The following KIT variants were observed in gnomAD, a reference collection of about 807,000 sequenced individuals.
The protein encoded by KIT is KIT proto-oncogene, receptor tyrosine kinase, also known as mast/stem cell growth factor receptor Kit.
Under a neutral mutation model 105.7 loss-of-function variants are expected in KIT, and 16 were observed. The ratio of observed to expected loss-of-function variants is 0.15; its 90% CI spans 0.10 to 0.23. The LOEUF (loss-of-function observed/expected upper bound fraction) is 0.23, where lower values mean the gene tolerates loss of function less well. Among genes scored for constraint, KIT ranks in the 10% least tolerant of loss-of-function variants. The probability of loss-of-function intolerance (pLI) is 1.00; values close to 1 mark genes in which losing one functional copy is unlikely to be tolerated. For synonymous variants in KIT, 438 were observed against 441.1 expected, an observed-to-expected ratio of 0.99 and a Z score of 0.09; for missense variants, 858 against 1,213.8, an observed-to-expected ratio of 0.71 and a Z score of 4.36.
rs2109774308 is a variant in KIT at position 54,727,287 on chromosome 4, G to T, written c.1610G>T (p.Cys537Phe). Residue 537 changes from cysteine to phenylalanine, a missense_variant, in exon 10 of 21, where the codon TGC becomes TTC. Physicochemically the swap from Cys to Phe is radical, Grantham distance 205. Around this residue, in one of 7 missense-constraint regions of KIT, gnomAD observed 78 missense variants for 77.6 expected, o/e 1.01. Coordinates refer to ENST00000288135, the MANE Select transcript of KIT (RefSeq NM_000222.3). The part of the protein sequence containing the change: ...IGFVIVAGMM[C>F]IIVMILTYKY... ...TTCGTAATCGTAGCTGGCATGATGT[G>T]CATTATTGTGATGATTCTGACCTAC... 1 of 1,614,096 alleles carries T rather than the reference G, an allele frequency of 6.2e-7. No homozygotes were observed. Among genetic ancestry groups the T allele is most frequent in the Non-Finnish European group, 8.5e-7 (1 of 1,179,976 alleles).
In KIT at chr4:54,707,328, C is replaced by A. The variant is rs372599285; in HGVS notation, c.1115+41C>A. On this transcript the variant is annotated intron_variant, in intron 6 of 20. Transcript: ENST00000288135. ...TGCCCTGGGGGATTACACATTACCC[C>A]CTTTTCCAGTGGGCTTATCAGATCT... 7.6e-4 allele frequency: 1,033 copies of A among 1,356,198 alleles called. 3 individuals are homozygous for A. Among genetic ancestry groups the A allele is most frequent in the Middle Eastern group, 7.5e-3 (42 of 5,598 alleles). 84.0% of individuals were successfully genotyped at this position (1,356,198 alleles called of 1,614,324 possible).
At chr4:54,676,295 T>C (rs138527825) in intron 1 of KIT, among the ~76,000 whole-genome samples, 1 of 152,292 alleles carries the variant, frequency 6.6e-6, no homozygotes, top group African/African-American at 2.4e-5. Flanking sequence ...CCATCTGTTT[T>C]AACAAGCTCT....
At chr4:54,728,531 G>A (rs574174760) in intron 13 of KIT, among the ~76,000 whole-genome samples, 143 of 152,228 alleles carry the variant, frequency 9.4e-4, no homozygotes, top group African/African-American at 3.2e-3. Flanking sequence ...CACCAAATGA[G>A]GCAAACATTT....
At chr4:54,713,940 T>C (rs1721309910) in intron 7 of KIT, among the ~76,000 whole-genome samples, 1 of 152,184 alleles carries the variant, frequency 6.6e-6, no homozygotes. Flanking sequence ...TGGTTTATAA[T>C]GGCCAAGAGC....
At position 54,658,000 on chromosome 4, in the gene KIT, A is replaced by G. The variant is rs975917874; in HGVS notation, c.-15A>G. ...GAACGTGGACCAGAGCTCGGATCCCATCGCAGCTACCGCGATGAGAGGCGC... is the reference window on the plus strand; with the variant it reads ...GAACGTGGACCAGAGCTCGGATCCCGTCGCAGCTACCGCGATGAGAGGCGC... On this transcript the variant is annotated 5_prime_UTR_variant, in exon 1 of 21. Transcript: ENST00000288135. 5.0e-6 allele frequency: 8 copies of G among 1,613,030 alleles called. No homozygotes were observed. The highest frequency in any genetic ancestry group is 3.3e-5 in the South Asian group (3 of 91,054).
At position 54,695,576 on chromosome 4, in the gene KIT, A is replaced by T. The variant is rs2109660865; in HGVS notation, c.132A>T (p.Ser44=). The T allele has an allele frequency of 6.2e-7, 1 of 1,614,224 alleles. No individual in the cohort carries two copies. The highest frequency in any genetic ancestry group is 8.5e-7 in the Non-Finnish European group (1 of 1,180,032). Residue 44 remains serine, a synonymous_variant, in exon 2 of 21, where the codon TCA becomes TCT. Coordinates refer to ENST00000288135, the MANE Select transcript of KIT (RefSeq NM_000222.3). Reference sequence around the variant, plus strand: ...CACCATCCATCCATCCAGGAAAATCAGACTTAATAGTCCGCGTGGGCGACG... The same window carrying T: ...CACCATCCATCCATCCAGGAAAATCTGACTTAATAGTCCGCGTGGGCGACG... ...PSPPSIHPGK[S]DLIVRVGDEI...
chr4:54,670,427 A>C (rs1718027093), intron 1 of KIT, among the ~76,000 whole-genome samples: 1 of 152,200 alleles, frequency 6.6e-6, no homozygotes. Context: ...TGGCCATTTC[A>C]ACCAGGCTTT....
In KIT at chr4:54,699,682, G is replaced by A. The variant is rs751363965; in HGVS notation, c.672G>A (p.Arg224=). The part of the protein sequence containing the change: ...VSVSKASYLL[R]EGEEFTVTCT... ...TGTCCAAAGCAAGCTATCTTCTTAG[G>A]GAAGGGGAAGAATTCACAGTGACGT... The change falls in exon 4 of 21, where the codon AGG becomes AGA. Residue 224 remains arginine (R), a synonymous_variant. Transcript: ENST00000288135. 1 of 1,613,962 alleles carries A rather than the reference G, an allele frequency of 6.2e-7. No homozygotes were observed. The highest frequency in any genetic ancestry group is 2.2e-5 in the East Asian group (1 of 44,874).
chr4:54,740,230 C>T lies in KIT; in HGVS notation c.*1673C>T, dbSNP rs917698425. 11 of 233,464 alleles carry T rather than the reference C, an allele frequency of 4.7e-5. No homozygotes were observed. The highest frequency in any genetic ancestry group is 1.5e-4 in the African/African-American group (7 of 45,334). The allele number at this position is 233,464 out of a possible 1,614,324, so 14.5% of individuals were successfully genotyped here. ...TTTGCACTGGAGTTCTATGCTCTCGCACCTTTCCAAAGTTAACAGATTTTG... is the reference window on the plus strand; with the variant it reads ...TTTGCACTGGAGTTCTATGCTCTCGTACCTTTCCAAAGTTAACAGATTTTG... On this transcript the variant is annotated 3_prime_UTR_variant, in exon 21 of 21. Transcript: ENST00000288135.
chr4:54,721,026 G>C (rs745893518), intron 7 of KIT, among the ~76,000 whole-genome samples: 1 of 152,206 alleles, frequency 6.6e-6, no homozygotes, highest in Non-Finnish European at 1.5e-5. Context: ...TGGAATCTTA[G>C]AGACTTGTTC....
intron 4 of KIT, among the ~76,000 whole-genome samples, chr4:54,701,901 A>G (rs1212213394): frequency 6.6e-6 from 1 of 152,214 alleles, no homozygotes; most frequent in African/African-American, 2.4e-5. Context: ...ATTTCTGCCA[A>G]TTATTAGAAG....
rs561449413 is a variant in KIT at position 54,658,468 on chromosome 4, G to T, written c.67+387G>T. ...CGCCTTCTCTTGCCGTGCGAGGCGC[G>T]GCCGCAGCTTCCTTTTGTTAAAAGT... On this transcript the variant is annotated intron_variant, in intron 1 of 20. Transcript: ENST00000288135. 2.6e-5 allele frequency among the ~76,000 whole-genome samples: 4 copies of T among 152,150 alleles called. No individual in the cohort carries two copies. The East Asian group carries it at 7.8e-4, about 30-fold the overall frequency.
At chr4:54,696,181 T>C (rs2109664324) in intron 2 of KIT, among the ~76,000 whole-genome samples, 1 of 152,158 alleles carries the variant, frequency 6.6e-6, no homozygotes, top group East Asian at 1.9e-4. Context: ...AGACCGACAC[T>C]TCGAAAGATG....
chr4:54,698,173 C>A, intron 2 of KIT, 111 bp from the exon 3 acceptor site: 2 of 1,104,224 alleles, frequency 1.8e-6, no homozygotes, highest in Non-Finnish European at 2.7e-6. Flanking sequence ...CAGAAAAAAG[C>A]AGCCATTTGG....
chr4:54,697,756 G>A (rs546968410), intron 2 of KIT, among the ~76,000 whole-genome samples: 7 of 152,300 alleles, frequency 4.6e-5, no homozygotes, highest in Non-Finnish European at 8.8e-5. Flanking sequence ...TTTAGAAGCC[G>A]AAAGACTCTG....
chr4:54,693,636 C>G (rs1445555223), intron 1 of KIT, among the ~76,000 whole-genome samples: 1 of 152,156 alleles, frequency 6.6e-6, no homozygotes, highest in Non-Finnish European at 1.5e-5. Context: ...CTATCCTCAC[C>G]CATCCTGAAC....
rs374796688 is a variant in KIT, at chr4:54,740,041, C to CAA, written c.*1489_*1490dup. 4 of 233,326 alleles carry CAA rather than the reference C, an allele frequency of 1.7e-5. No homozygotes were observed. Among genetic ancestry groups the CAA allele is most frequent in the Non-Finnish European group, 3.4e-5 (4 of 117,928 alleles). 14.5% of individuals were successfully genotyped at this position (233,326 alleles called of 1,614,324 possible). A position where few individuals can be genotyped will look rare whatever the true frequency, so the allele number is the denominator to read the frequency against. On this transcript the variant is annotated 3_prime_UTR_variant, in exon 21 of 21. Transcript: ENST00000288135. The stretch of plus-strand genomic sequence containing the variant: ...TCTTTAAAAACAAAACAAAACAAAA[C>CAA]AAAAAACTCCCCTTCCTCACTGCCC...
At chr4:54,704,726 G>A (rs907746118) in intron 5 of KIT, among the ~76,000 whole-genome samples, 2 of 151,850 alleles carry the variant, frequency 1.3e-5, no homozygotes, top group African/African-American at 4.8e-5. Context: ...CCATTTTTCT[G>A]TCTTTTTAGT....
At position 54,658,031 on chromosome 4, in the gene KIT, G is replaced by T; in HGVS notation, c.17G>T (p.Gly6Val). The change falls in exon 1 of 21, where the codon GGC becomes GTC. Residue 6 changes from glycine (G) to valine (V), a missense_variant. Physicochemically the swap from Gly to Val is moderately radical, Grantham distance 109. Coordinates refer to ENST00000288135, the MANE Select transcript of KIT (RefSeq NM_000222.3). ...GCTACCGCGATGAGAGGCGCTCGCG[G>T]CGCCTGGGATTTTCTCTGCGTTCTG... MRGAR[G>V]AWDFLCVLLL... 1 of 1,613,980 alleles carries T rather than the reference G, an allele frequency of 6.2e-7. No homozygotes were observed. The highest frequency in any genetic ancestry group is 8.5e-7 in the Non-Finnish European group (1 of 1,179,920).
Sources: gnomAD v4.1 joint callset for allele counts (sites outside exome capture counted in the v4.1 genomes callset) on GRCh38, gnomAD v4.1.1 for gene constraint, gnomAD v4.1.1 regional missense constraint, MANE v1.5 for transcripts, NCBI Gene and HGNC (gene_info 2026-07-23, HGNC 2026-07-21) for gene names.